TSPAN5: variants seen among roughly 807,000 people sequenced by gnomAD.
TSPAN5 encodes the protein tetraspanin-5.
In TSPAN5, 10 loss-of-function variants were observed where a neutral mutation model predicts 37.1. The observed-to-expected ratio is 0.27, with a 90% CI of 0.17 to 0.46. TSPAN5 has a LOEUF of 0.46. Among genes scored for constraint, TSPAN5 ranks in the 20% least tolerant of loss-of-function variants. TSPAN5 has a pLI of 1.00. For synonymous variants in TSPAN5, 110 were observed against 118.9 expected, an observed-to-expected ratio of 0.93 and a Z score of 0.48; for missense variants, 195 against 326.6, an observed-to-expected ratio of 0.60 and a Z score of 3.11.
intron 1 of TSPAN5, among the ~76,000 whole-genome samples, chr4:98,644,271 T>C (rs983329140): frequency 1.3e-5 from 2 of 152,172 alleles, no homozygotes; most frequent in Non-Finnish European, 2.9e-5. Context: ...GAGCACATTT[T>C]TCCTTTAAAA....
chr4:98,531,549 G>C (rs935090222), intron 1 of TSPAN5, among the ~76,000 whole-genome samples: 5 of 152,098 alleles, frequency 3.3e-5, no homozygotes, highest in Non-Finnish European at 7.4e-5. Flanking sequence ...TGTCTTTATA[G>C]AATGATTTAT....
At chr4:98,492,839 G>C (rs1242521031) in intron 2 of TSPAN5, among the ~76,000 whole-genome samples, 1 of 152,130 alleles carries the variant, frequency 6.6e-6, no homozygotes, top group African/African-American at 2.4e-5. Flanking sequence ...GCATAACATG[G>C]TTTAACCTCC....
intron 1 of TSPAN5, chr4:98,657,481 T>C (rs1489155582): frequency 6.5e-6 from 1 of 152,722 alleles, no homozygotes; most frequent in African/African-American, 2.4e-5. Flanking sequence ...CTGACGATGA[T>C]ATATACATAC....
At position 98,481,167 on chromosome 4, in the gene TSPAN5, A is replaced by G. The variant is rs554071188; in HGVS notation, c.450+838T>C. On this transcript the variant is annotated intron_variant, in intron 4 of 7. Transcript: ENST00000305798. ...TGTAGGACCCTAACACCTTAGCCTA[A>G]TATAAAAACATGTATGTCTCATTAG... is the stretch of plus-strand genomic sequence containing the variant. Among the ~76,000 whole-genome samples the G allele has an allele frequency of 1.1e-4, 17 of 152,290 alleles. No individual in the cohort carries two copies. In the South Asian group the frequency reaches 3.5e-3, roughly 32 times the overall value.
At chr4:98,481,524 C>T (rs1752836918) in intron 4 of TSPAN5, among the ~76,000 whole-genome samples, 1 of 152,156 alleles carries the variant, frequency 6.6e-6, no homozygotes, top group Non-Finnish European at 1.5e-5. Context: ...TTGCTTTTAA[C>T]TGCATGTGCA....
chr4:98,647,423 T>C (rs1310337893), intron 1 of TSPAN5, among the ~76,000 whole-genome samples: 2 of 152,212 alleles, frequency 1.3e-5, no homozygotes, highest in Non-Finnish European at 2.9e-5. Context: ...TCCTCTTTTA[T>C]TAGGACTACT....
intron 1 of TSPAN5, among the ~76,000 whole-genome samples, chr4:98,536,665 G>A (rs4699646): frequency 0.76 from 115,896 of 152,202 alleles, 45,066 homozygotes; most frequent in African/African-American, 0.92. Context: ...CCCTGACTGG[G>A]GCTGCTACCT....
chr4:98,624,274 A>C (rs563623556), intron 1 of TSPAN5, among the ~76,000 whole-genome samples: 428 of 152,210 alleles, frequency 2.8e-3, no homozygotes, highest in African/African-American at 0.01. Context: ...CCTTTAAAAA[A>C]AAAAACAAAC....
intron 1 of TSPAN5, among the ~76,000 whole-genome samples, chr4:98,547,837 T>A (rs1248652589): frequency 1.3e-5 from 2 of 151,446 alleles, no homozygotes. Context: ...TGAAACCCCG[T>A]CTCTACTAAA....
chr4:98,592,640 T>C (rs1394429146), intron 1 of TSPAN5, among the ~76,000 whole-genome samples: 2 of 131,824 alleles, frequency 1.5e-5, no homozygotes, highest in Non-Finnish European at 3.1e-5. Context: ...CCTGTGTCCA[T>C]GTGATCTCAT....
chr4:98,579,500 A>AT (rs2110192882), intron 1 of TSPAN5, among the ~76,000 whole-genome samples: 1 of 150,904 alleles, frequency 6.6e-6, no homozygotes, highest in South Asian at 2.2e-4. Flanking sequence ...AGCTGAGTAA[A>AT]TGAGTGTTTA....
At chr4:98,583,299 GGTTT>G (rs1755411202) in intron 1 of TSPAN5, among the ~76,000 whole-genome samples, 2 of 151,958 alleles carry the variant, frequency 1.3e-5, no homozygotes, top group African/African-American at 2.4e-5. Context: ...TTAAAATGCA[GGTTT>G]GTTACACAGG....
At chr4:98,545,161 T>G (rs535004922) in intron 1 of TSPAN5, among the ~76,000 whole-genome samples, 43 of 152,002 alleles carry the variant, frequency 2.8e-4, no homozygotes, top group Non-Finnish European at 1.5e-4. Context: ...GAGAAGAGGG[T>G]TTTTCTTCCT....
chr4:98,473,148 C>T (rs562657936), intron 7 of TSPAN5, among the ~76,000 whole-genome samples: 2 of 152,312 alleles, frequency 1.3e-5, no homozygotes, highest in South Asian at 4.1e-4. Flanking sequence ...CATGAGCATA[C>T]AAGTTTTTGG....
intron 1 of TSPAN5, among the ~76,000 whole-genome samples, chr4:98,608,662 G>GA (rs545053030): frequency 3.3e-5 from 5 of 150,300 alleles, no homozygotes; most frequent in Admixed American, 6.6e-5. Context: ...CCAGGAAAAA[G>GA]AAAAAAAAAG....
intron 1 of TSPAN5, among the ~76,000 whole-genome samples, chr4:98,529,846 A>G (rs2110127114): frequency 6.6e-6 from 1 of 152,392 alleles, no homozygotes; most frequent in African/African-American, 2.4e-5. Context: ...CAAGATCTGT[A>G]ATAATTCAGA....
In TSPAN5 at chr4:98,542,719, T is replaced by TAA. The variant is rs11326064; in HGVS notation, c.82-34993_82-34992dup. On this transcript the variant is annotated intron_variant, in intron 1 of 7. Transcript: ENST00000305798. ...GGGTGACAGTGAGACCTCATCTCTT[T>TAA]AAAAAAAAAAAAAAAAAAAAAAGAC... Among the ~76,000 whole-genome samples the TAA allele has an allele frequency of 7.9e-4, 80 of 101,778 alleles. 1 individual carries two copies. The highest frequency in any genetic ancestry group is 1.0e-3 in the Non-Finnish European group (55 of 52,618). 66.8% of individuals were successfully genotyped at this position (101,778 alleles called of 152,430 possible).
intron 1 of TSPAN5, among the ~76,000 whole-genome samples, chr4:98,537,043 TG>T (rs1251671676): frequency 5.9e-5 from 9 of 152,036 alleles, no homozygotes; most frequent in African/African-American, 1.7e-4. Context: ...TACTGGGGTA[TG>T]GAAAAAAAGA....
At chr4:98,537,306 C>T (rs1754258827) in intron 1 of TSPAN5, among the ~76,000 whole-genome samples, 3 of 152,292 alleles carry the variant, frequency 2.0e-5, no homozygotes, top group South Asian at 4.2e-4. Context: ...TCGGCTTGCC[C>T]TCTGTGGGCT....
Sources: gnomAD v4.1 joint callset for allele counts (sites outside exome capture counted in the v4.1 genomes callset) on GRCh38, gnomAD v4.1.1 for gene constraint, MANE v1.5 for transcripts, NCBI Gene and HGNC (gene_info 2026-07-23, HGNC 2026-07-21) for gene names.